The following SCARB1 variants were observed in gnomAD, a reference collection of about 807,000 sequenced individuals.
SCARB1 encodes the protein scavenger receptor class B member 1, also known as CD36 and LIMPII analogous 1.
Under a neutral mutation model 57.2 loss-of-function variants are expected in SCARB1, and 30 were observed. The observed-to-expected ratio is 0.52, with a 90% confidence interval of 0.39 to 0.71. SCARB1 has a LOEUF of 0.71. Ranked by LOEUF, SCARB1 falls within the 30% of genes least tolerant of loss-of-function variation. SCARB1 has a pLI of 0.00. For synonymous variants in SCARB1, 249 were observed against 268.3 expected, an observed-to-expected ratio of 0.93 and a Z score of 0.70; for missense variants, 543 against 671.2, an observed-to-expected ratio of 0.81 and a Z score of 2.11.
At chr12:124,818,707 G>A (rs11057827) in intron 1 of SCARB1, among the ~76,000 whole-genome samples, 51,087 of 140,180 alleles carry the variant, frequency 0.36, 9,722 homozygotes, top group Non-Finnish European at 0.47. Flanking sequence ...CTGCAGTGGC[G>A]CGATCTCGGC....
At chr12:124,837,071 C>T (rs1951676507) in intron 1 of SCARB1, among the ~76,000 whole-genome samples, 1 of 152,168 alleles carries the variant, frequency 6.6e-6, no homozygotes. Context: ...GAATCAAGCA[C>T]AACCTCTCCT....
At chr12:124,801,200 A>G (rs1300270248) in intron 7 of SCARB1, among the ~76,000 whole-genome samples, 1 of 152,140 alleles carries the variant, frequency 6.6e-6, no homozygotes, top group African/African-American at 2.4e-5. Context: ...TCCTGTCTCA[A>G]AAGAAAAACA....
rs998290448 is a variant in SCARB1, at chr12:124,778,300, C to G, written c.*287G>C. The G allele has an allele frequency of 1.6e-6, 1 of 637,852 alleles. No homozygotes were observed. Among genetic ancestry groups the G allele is most frequent in the Non-Finnish European group, 2.2e-6 (1 of 445,190 alleles). 39.5% of individuals were successfully genotyped at this position (637,852 alleles called of 1,614,324 possible). A position where few individuals can be genotyped will look rare whatever the true frequency, so the allele number is the denominator to read the frequency against. On this transcript the variant is annotated 3_prime_UTR_variant, in exon 13 of 13. Transcript: ENST00000261693. ...CAGCCCCTGTGGTCAGGCCTGTGGG[C>G]CACGTGGAGAGAAGGTTCCAGAACA...
intron 1 of SCARB1, among the ~76,000 whole-genome samples, chr12:124,848,750 GTT>G (rs1160382153): frequency 6.6e-6 from 1 of 152,234 alleles, no homozygotes; most frequent in African/African-American, 2.4e-5. Flanking sequence ...ACCGTGGAGC[GTT>G]TCCAGGCATC....
intron 11 of SCARB1, 156 bp from the exon 12 acceptor site, chr12:124,782,967 G>C (rs879452894): frequency 1.7e-4 from 121 of 704,034 alleles, no homozygotes; most frequent in Middle Eastern, 1.2e-3. Context: ...CTGAGATGTG[G>C]GGAGCTGCCG....
At position 124,810,375 on chromosome 12, in the gene SCARB1, C is replaced by T; in HGVS notation, c.727-86G>A. ...TCAGGTGCTGCACACCTAACTCACC[C>T]TGGTGCACGCACGGCCACTCAATTC... On this transcript the variant is annotated intron_variant, in intron 5 of 12. Transcript: ENST00000261693. The surrounding 1 kb of genome is among the most constrained non-coding windows in gnomAD (Gnocchi z 4.0). The T allele has an allele frequency of 2.2e-6, 2 of 904,990 alleles. No individual in the cohort carries two copies. The highest frequency in any genetic ancestry group is 3.7e-6 in the Non-Finnish European group (2 of 543,616). The allele number at this position is 904,990 out of a possible 1,614,324, so 56.1% of individuals were successfully genotyped here.
chr12:124,848,743 G>A (rs141974610), intron 1 of SCARB1, among the ~76,000 whole-genome samples: 29 of 152,344 alleles, frequency 1.9e-4, no homozygotes, highest in Non-Finnish European at 3.2e-4. Flanking sequence ...CATCCGCACC[G>A]TGGAGCGTTT....
At position 124,786,393 on chromosome 12, in the gene SCARB1, C is replaced by G. The variant is rs753249091; in HGVS notation, c.1365G>C (p.Leu455=). ...QYVLLALGCV[L]LLVPVICQIR... ...TTTGGCAGATGACAGGGACCAGCAGCAGGACGCAGCCCAGCGCCAGGAGGA... is the reference window on the plus strand; with the variant it reads ...TTTGGCAGATGACAGGGACCAGCAGGAGGACGCAGCCCAGCGCCAGGAGGA... The change falls in exon 11 of 13, where the codon CTG becomes CTC. Residue 455 remains leucine, a synonymous_variant. Coordinates refer to ENST00000261693, the MANE Select transcript of SCARB1 (RefSeq NM_005505.5). 1.1e-5 allele frequency: 18 copies of G among 1,614,136 alleles called. No individual in the cohort carries two copies. The highest frequency in any genetic ancestry group is 1.4e-5 in the Non-Finnish European group (17 of 1,180,048).
chr12:124,825,217 T>C (rs1594311316), intron 1 of SCARB1, among the ~76,000 whole-genome samples: 12 of 63,556 alleles, frequency 1.9e-4, no homozygotes, highest in Admixed American at 2.7e-4. Flanking sequence ...AGAGCGAGAC[T>C]CCATCTCAAA....
At chr12:124,819,503 A>G (rs1456358709) in intron 1 of SCARB1, among the ~76,000 whole-genome samples, 5 of 152,138 alleles carry the variant, frequency 3.3e-5, no homozygotes, top group African/African-American at 9.7e-5. Flanking sequence ...CCTCCTCTAG[A>G]TCTATAATTC....
rs542972166 is a variant in SCARB1, at chr12:124,810,122, T to C, written c.842+52A>G. On this transcript the variant is annotated intron_variant, in intron 6 of 12. Coordinates refer to ENST00000261693, the MANE Select transcript of SCARB1 (RefSeq NM_005505.5). The surrounding 1 kb of genome is among the most constrained non-coding windows in gnomAD (Gnocchi z 4.0). ...AAGTGCACAGCCAACACCACAGAAT[T>C]TGGCCATGAGCTACCCAGGAAACCC... 13 of 1,159,612 alleles carry C rather than the reference T, an allele frequency of 1.1e-5. No individual in the cohort carries two copies. The highest frequency in any genetic ancestry group is 1.7e-5 in the Non-Finnish European group (13 of 769,962). The allele number at this position is 1,159,612 out of a possible 1,614,324, so 71.8% of individuals were successfully genotyped here.
intron 8 of SCARB1, among the ~76,000 whole-genome samples, chr12:124,798,247 C>T (rs1033160759): frequency 3.7e-4 from 57 of 152,222 alleles, no homozygotes; most frequent in African/African-American, 1.3e-3. Context: ...CCCGTCTCCA[C>T]TAAAAATACA....
rs373288726 is a variant in SCARB1 at position 124,801,962 on chromosome 12, C to T, written c.1010-1720G>A. Among the ~76,000 whole-genome samples the T allele has an allele frequency of 8.7e-4, 132 of 151,800 alleles. 4 individuals are homozygous for T. In the South Asian group the frequency reaches 0.026, roughly 30 times the overall value. ...GGTTGGGAGTTCACGACCAGCCTGACCGATATGGAGAAACCCCGTCTCTAC... is the reference window on the plus strand; with the variant it reads ...GGTTGGGAGTTCACGACCAGCCTGATCGATATGGAGAAACCCCGTCTCTAC... On this transcript the variant is annotated intron_variant, in intron 7 of 12. Coordinates refer to ENST00000261693, the MANE Select transcript of SCARB1 (RefSeq NM_005505.5).
rs1208692760 is a variant in SCARB1 at position 124,863,576 on chromosome 12, T to C, written c.126+19A>G. ...AGCCCGGGTCCGTGCGCGGACCCCC[T>C]GGGGTCTCCCTCACCCACCTTAAGG... is the stretch of plus-strand genomic sequence containing the variant. On this transcript the variant is annotated intron_variant, in intron 1 of 12. Coordinates refer to ENST00000261693, the MANE Select transcript of SCARB1 (RefSeq NM_005505.5). The C allele has an allele frequency of 6.3e-7, 1 of 1,599,642 alleles. No homozygotes were observed. Among genetic ancestry groups the C allele is most frequent in the Non-Finnish European group, 8.5e-7 (1 of 1,173,272 alleles).
chr12:124,837,624 C>A (rs76338893), intron 1 of SCARB1, among the ~76,000 whole-genome samples: 5,540 of 148,876 alleles, frequency 0.037, 562 homozygotes, highest in African/African-American at 0.14. Flanking sequence ...CAGTGCTGCA[C>A]GCCTGTAATC....
At chr12:124,785,967 C>A in intron 11 of SCARB1, 2 of 1,202,858 alleles carry the variant, frequency 1.7e-6, no homozygotes, top group Non-Finnish European at 2.3e-6. Flanking sequence ...TGCCAGCCCC[C>A]CTCAATCCCC....
At chr12:124,819,333 A>T (rs1950862722) in intron 1 of SCARB1, among the ~76,000 whole-genome samples, 1 of 152,194 alleles carries the variant, frequency 6.6e-6, no homozygotes, top group African/African-American at 2.4e-5. Context: ...TGGCTGAGTG[A>T]GCCAGTCGGA....
At chr12:124,781,765 C>T (rs893066787) in intron 12 of SCARB1, among the ~76,000 whole-genome samples, 2 of 151,286 alleles carry the variant, frequency 1.3e-5, no homozygotes, top group Non-Finnish European at 2.9e-5. Flanking sequence ...TCTGTTGTTT[C>T]TTGTGTTTCG....
chr12:124,837,525 A>AGG (rs1951712501), intron 1 of SCARB1, among the ~76,000 whole-genome samples: 2 of 87,322 alleles, frequency 2.3e-5, no homozygotes, highest in African/African-American at 1.1e-4. Context: ...AAAAGAAAGG[A>AGG]AAGAAAAAGA....
Sources: allele counts gnomAD v4.1 joint callset (sites outside exome capture counted in the v4.1 genomes callset), GRCh38; gene constraint gnomAD v4.1.1; non-coding constraint Gnocchi (gnomAD v3.1); transcripts MANE v1.5; gene names NCBI Gene and HGNC (gene_info 2026-07-23, HGNC 2026-07-21).